RBL1: variants seen among roughly 807,000 people sequenced by gnomAD.
The protein encoded by RBL1 is RB transcriptional corepressor like 1.
Under a neutral mutation model 123.0 loss-of-function variants are expected in RBL1, and 82 were observed. The observed-to-expected ratio is 0.67, with a 90% CI of 0.56 to 0.80. The LOEUF (loss-of-function observed/expected upper bound fraction) is 0.80, where lower values mean the gene tolerates loss of function less well. RBL1 is among the 30% of genes least tolerant of loss of function. RBL1 has a pLI of 0.00. For synonymous variants in RBL1, 405 were observed against 441.3 expected, an observed-to-expected ratio of 0.92 and a Z score of 1.03; for missense variants, 1,171 against 1,299.6, an observed-to-expected ratio of 0.90 and a Z score of 1.52.
At chr20:37,010,760 A>ATGTG (rs374094594) in intron 19 of RBL1, among the ~76,000 whole-genome samples, 2,268 of 143,060 alleles carry the variant, frequency 0.016, 32 homozygotes, top group African/African-American at 0.048. Context: ...GCACATGACT[A>ATGTG]TGTGTGTGTG....
Position 37,040,257 on chromosome 20 carries a change from C to T in RBL1, c.1799G>A (p.Gly600Glu), listed in dbSNP as rs901874942. Residue 600 changes from glycine to glutamate, a missense_variant, in exon 14 of 22, where the codon GGA (glycine) becomes GAA (glutamate). Physicochemically the swap from Gly to Glu is moderately conservative, Grantham distance 98. Coordinates refer to ENST00000373664, the MANE Select transcript of RBL1 (RefSeq NM_002895.5). ...EVIFPNNFET[G>E]NGGNVQGHLP... The stretch of plus-strand genomic sequence containing the variant: ...ATGTCCCTGCACATTTCCTCCATTT[C>T]CTGTTTCAAAGTTATTTGGGAATAT... The T allele has an allele frequency of 3.7e-6, 6 of 1,613,968 alleles. No individual in the cohort carries two copies. The African/African-American group carries it at 6.7e-5, about 18-fold the overall frequency.
intron 2 of RBL1, among the ~76,000 whole-genome samples, chr20:37,072,151 G>A (rs1453206380): frequency 6.6e-6 from 1 of 152,132 alleles, no homozygotes. Flanking sequence ...AAAAAATTAT[G>A]CTCCCTTACA....
At chr20:37,091,334 C>T (rs933604487) in intron 1 of RBL1, among the ~76,000 whole-genome samples, 7 of 150,256 alleles carry the variant, frequency 4.7e-5, no homozygotes, top group South Asian at 2.1e-4. Context: ...CTCCAGCCTG[C>T]GCAACGGGAG....
At chr20:37,043,592 C>T (rs1421203517) in intron 13 of RBL1, among the ~76,000 whole-genome samples, 5 of 151,880 alleles carry the variant, frequency 3.3e-5, no homozygotes, top group Non-Finnish European at 5.9e-5. Flanking sequence ...CAGTTTGGGC[C>T]GAGGAAGTTG....
At chr20:37,038,893 G>A (rs557127341) in intron 14 of RBL1, among the ~76,000 whole-genome samples, 15 of 152,254 alleles carry the variant, frequency 9.9e-5, no homozygotes, top group Admixed American at 2.6e-4. Flanking sequence ...GTGAGCCACC[G>A]CACCTGGCCT....
chr20:37,023,153 G>A (rs182962766), intron 16 of RBL1, among the ~76,000 whole-genome samples: 69 of 150,072 alleles, frequency 4.6e-4, no homozygotes, highest in Admixed American at 1.3e-4. Context: ...GTGGATTCTC[G>A]CTCTGTCACC....
At chr20:37,080,912 G>A (rs1231722826) in intron 2 of RBL1, among the ~76,000 whole-genome samples, 1 of 152,184 alleles carries the variant, frequency 6.6e-6, no homozygotes, top group Non-Finnish European at 1.5e-5. Context: ...TAAAAGCCTT[G>A]AGGCTAAGAA....
intron 2 of RBL1, among the ~76,000 whole-genome samples, chr20:37,068,547 C>T (rs973746936): frequency 6.6e-6 from 1 of 151,872 alleles, no homozygotes; most frequent in African/African-American, 2.4e-5. Context: ...AAAAAGTCCT[C>T]ACTATGAAAT....
intron 12 of RBL1, 68 bp from the exon 13 acceptor site, chr20:37,044,318 G>A: frequency 6.9e-7 from 1 of 1,454,214 alleles, no homozygotes; most frequent in South Asian, 1.3e-5. Context: ...CTTGCATGTA[G>A]GACTAGCTGT....
intron 11 of RBL1, chr20:37,049,856 A>C (rs1388079800): frequency 2.5e-6 from 1 of 400,246 alleles, no homozygotes; most frequent in Non-Finnish European, 4.4e-6. Flanking sequence ...TGAGGTCAGG[A>C]GTTGGAGACC....
chr20:37,089,853 C>G (rs1265587352), intron 1 of RBL1, among the ~76,000 whole-genome samples: 3 of 152,082 alleles, frequency 2.0e-5, no homozygotes, highest in Non-Finnish European at 4.4e-5. Context: ...GGGTTCAAGA[C>G]CAGCCTGGCC....
chr20:37,086,200 GATA>G (rs967598510), intron 2 of RBL1, among the ~76,000 whole-genome samples: 3 of 152,168 alleles, frequency 2.0e-5, no homozygotes, highest in Non-Finnish European at 4.4e-5. Context: ...TACTAACAAT[GATA>G]ATGTCTTGCT....
In RBL1 at chr20:37,035,204, C is replaced by T. The variant is rs756853045; in HGVS notation, c.2170+38G>A. 2.6e-6 allele frequency: 4 copies of T among 1,536,962 alleles called. No homozygotes were observed. In the East Asian group the frequency reaches 9.2e-5, roughly 35 times the overall value. ...ACTAAGACATTTCTTAAATTTTTAT[C>T]TCAGAAAAAGTACAAAACAAATGCA... is the stretch of plus-strand genomic sequence containing the variant. On this transcript the variant is annotated intron_variant, in intron 15 of 21. Transcript: ENST00000373664.
intron 2 of RBL1, among the ~76,000 whole-genome samples, chr20:37,082,604 G>A (rs1334430152): frequency 1.3e-5 from 2 of 152,082 alleles, no homozygotes; most frequent in East Asian, 1.9e-4. Flanking sequence ...GGTTGTGTCC[G>A]TATTGAACAT....
Position 37,095,962 on chromosome 20 carries a change from C to T in RBL1, c.-34G>A. The T allele has an allele frequency of 6.8e-7, 1 of 1,460,362 alleles. No homozygotes were observed. Among genetic ancestry groups the T allele is most frequent in the Non-Finnish European group, 9.1e-7 (1 of 1,096,914 alleles). 90.5% of individuals were successfully genotyped at this position (1,460,362 alleles called of 1,614,324 possible). The stretch of plus-strand genomic sequence containing the variant: ...GCCCCGCGGGCTGCGCGCCACGGCC[C>T]CCGACTTCTTTCTCCCTCCCAGGCG... On this transcript the variant is annotated 5_prime_UTR_variant, in exon 1 of 22. Coordinates refer to ENST00000373664, the MANE Select transcript of RBL1 (RefSeq NM_002895.5).
At chr20:37,070,099 G>T (rs563606532) in intron 2 of RBL1, among the ~76,000 whole-genome samples, 150 of 152,340 alleles carry the variant, frequency 9.8e-4, no homozygotes, top group East Asian at 1.7e-3. Context: ...GTAGACATGG[G>T]AGACTTTTCA....
chr20:37,049,820 T>TG (rs1343485499), intron 11 of RBL1: 1 of 440,528 alleles, frequency 2.3e-6, no homozygotes, highest in African/African-American at 2.0e-5. Flanking sequence ...CCCGGCACTT[T>TG]GGGAGGCTGA....
intron 13 of RBL1, among the ~76,000 whole-genome samples, chr20:37,043,814 A>T (rs577725225): frequency 6.6e-6 from 1 of 152,326 alleles, no homozygotes; most frequent in South Asian, 2.1e-4. Flanking sequence ...AGGCAAATTT[A>T]TGGAGACAGA....
intron 1 of RBL1, 32 bp from the exon 2 acceptor site, chr20:37,089,154 T>C: frequency 6.4e-7 from 1 of 1,552,432 alleles, no homozygotes; most frequent in Middle Eastern, 1.7e-4. Context: ...GCAAAACAGG[T>C]ATAATATTAT....
Sources: gnomAD v4.1 joint callset for allele counts (sites outside exome capture counted in the v4.1 genomes callset) on GRCh38, gnomAD v4.1.1 for gene constraint, MANE v1.5 for transcripts, NCBI Gene and HGNC (gene_info 2026-07-23, HGNC 2026-07-21) for gene names.